Variants in MPP7 observed in about 807,000 individuals in gnomAD.
The protein encoded by MPP7 is MAGUK p55 subfamily member 7.
MPP7 carries 60 observed loss-of-function variants against 76.5 expected under a neutral mutation model. The ratio of observed to expected loss-of-function variants is 0.78; its 90% CI spans 0.64 to 0.97. MPP7 has a LOEUF of 0.97. Ranked by LOEUF, MPP7 falls within the 50% of genes least tolerant of loss-of-function variation. MPP7 has a pLI of 0.00. For synonymous variants in MPP7, 237 were observed against 244.5 expected (o/e 0.97, Z 0.29); for missense variants, 641 against 694.0 (o/e 0.92, Z 0.86).
chr10:28,069,743 A>G (rs775552417), intron 13 of MPP7, 29 bp downstream of exon 13: 2 of 1,552,388 alleles, frequency 1.3e-6, no homozygotes, highest in Admixed American at 1.7e-5. Flanking sequence ...AAGTGTAGTC[A>G]TAGGAACACT....
At chr10:28,205,523 T>C (rs1358952840) in intron 2 of MPP7, among the ~76,000 whole-genome samples, 1 of 152,172 alleles carries the variant, frequency 6.6e-6, no homozygotes, top group African/African-American at 2.4e-5. Flanking sequence ...CTATACTCTG[T>C]AGTCATTCAA....
chr10:28,312,557 C>G (rs191064399), intron 2 of MPP7, among the ~76,000 whole-genome samples: 1 of 152,108 alleles, frequency 6.6e-6, no homozygotes, highest in African/African-American at 2.4e-5. Context: ...ACCAAAAAAA[C>G]CAGTCTCAAC....
chr10:28,233,281 G>C (rs899242578), intron 2 of MPP7, among the ~76,000 whole-genome samples: 1 of 152,174 alleles, frequency 6.6e-6, no homozygotes, highest in East Asian at 1.9e-4. Flanking sequence ...ACATCAATGA[G>C]AACTCATATT....
intron 1 of MPP7, among the ~76,000 whole-genome samples, chr10:28,295,644 T>C (rs963180036): frequency 6.6e-6 from 1 of 152,128 alleles, no homozygotes. Context: ...CAAGAGTGTG[T>C]TTTTATCAGG....
chr10:28,054,245 C>T lies in MPP7; in HGVS notation c.1552-1G>A. 6 of 1,545,174 alleles carry T rather than the reference C, an allele frequency of 3.9e-6. No individual in the cohort carries two copies. Among genetic ancestry groups the T allele is most frequent in the Non-Finnish European group, 5.3e-6 (6 of 1,134,988 alleles). On this transcript the variant is annotated splice_acceptor_variant, in intron 16 of 16. Coordinates refer to ENST00000683449, the MANE Select transcript of MPP7 (RefSeq NM_001318170.2). LOFTEE classifies it high-confidence loss of function. The stretch of plus-strand genomic sequence containing the variant: ...TAATCATTTCTTGAAAATCTTCTTC[C>T]TACAAAAGGAAGTATTAAAAAAATA...
At chr10:28,071,884 C>A (rs1255371742) in intron 12 of MPP7, among the ~76,000 whole-genome samples, 1 of 152,010 alleles carries the variant, frequency 6.6e-6, no homozygotes, top group African/African-American at 2.4e-5. Context: ...ATCAGACTTC[C>A]TTGAATATGA....
intron 11 of MPP7, among the ~76,000 whole-genome samples, chr10:28,110,622 T>C (rs915969634): frequency 4.6e-5 from 7 of 152,176 alleles, no homozygotes; most frequent in Admixed American, 3.3e-4. Flanking sequence ...ATAAAAACAT[T>C]TGTAAAGTAA....
At chr10:28,147,445 G>C in intron 5 of MPP7, 38 bp downstream of exon 5, 1 of 1,536,918 alleles carries the variant, frequency 6.5e-7, no homozygotes, top group Non-Finnish European at 9.0e-7. Flanking sequence ...AAGTGGCCCT[G>C]TTTGAAGGTA....
At chr10:28,304,865 C>T (rs1421156587), upstream of MPP7, among the ~76,000 whole-genome samples, 1 of 151,994 alleles carries the variant, frequency 6.6e-6, no homozygotes, top group Non-Finnish European at 1.5e-5. Context: ...TATTAATCAT[C>T]AAATACTAGA....
At chr10:28,295,442 A>AT (rs1282103482) in intron 1 of MPP7, among the ~76,000 whole-genome samples, 3 of 152,190 alleles carry the variant, frequency 2.0e-5, no homozygotes, top group Non-Finnish European at 2.9e-5. Context: ...GAAAAAAACA[A>AT]TATTTTGAAT....
intron 1 of MPP7, among the ~76,000 whole-genome samples, chr10:28,271,449 AT>A (rs1490192191): frequency 6.6e-6 from 1 of 152,216 alleles, no homozygotes; most frequent in Non-Finnish European, 1.5e-5. Flanking sequence ...TCTCTTGCTA[AT>A]CTGGCTTGAT....
At position 28,051,535 on chromosome 10, in the gene MPP7, C is replaced by A. The variant is rs745716854; in HGVS notation, c.*2530G>T. 1 of 152,102 alleles carries A rather than the reference C, an allele frequency of 6.6e-6. No individual in the cohort carries two copies. Among genetic ancestry groups the A allele is most frequent in the Admixed American group, 6.6e-5 (1 of 15,250 alleles). 9.4% of individuals were successfully genotyped at this position (152,102 alleles called of 1,614,324 possible). On this transcript the variant is annotated 3_prime_UTR_variant, in exon 17 of 17. Transcript: ENST00000683449. ...AAATATATGAATTTTAAAAAGTGAA[C>A]GTTCCTCTTCTCTTACATAGTGGCT...
intron 2 of MPP7, among the ~76,000 whole-genome samples, chr10:28,215,410 A>G (rs934836536): frequency 5.3e-5 from 8 of 152,198 alleles, no homozygotes; most frequent in African/African-American, 1.9e-4. Context: ...GATAATCATG[A>G]AAATAAATGC....
intron 2 of MPP7, among the ~76,000 whole-genome samples, chr10:28,207,593 G>A (rs1269108630): frequency 2.0e-5 from 3 of 152,008 alleles, no homozygotes; most frequent in African/African-American, 7.3e-5. Context: ...GCTGAGGCAG[G>A]AGAATCACTT....
Position 28,098,495 on chromosome 10 carries a change from A to T in MPP7, c.953-8654T>A, listed in dbSNP as rs114191805. On this transcript the variant is annotated intron_variant, in intron 11 of 16. Coordinates refer to ENST00000683449, the MANE Select transcript of MPP7 (RefSeq NM_001318170.2). Reference sequence around the variant, plus strand: ...TTGTTCTATTTTTCAAACTTACTGTAATATTATATATGTTTCAAAATTACT... The same window carrying T: ...TTGTTCTATTTTTCAAACTTACTGTTATATTATATATGTTTCAAAATTACT... 9.7e-3 allele frequency among the ~76,000 whole-genome samples: 1,467 copies of T among 151,872 alleles called. 31 individuals carry two copies. The highest frequency in any genetic ancestry group is 0.033 in the African/African-American group (1,375 of 41,500).
At chr10:28,112,369 G>T (rs927039783) in intron 11 of MPP7, among the ~76,000 whole-genome samples, 4 of 151,884 alleles carry the variant, frequency 2.6e-5, no homozygotes, top group African/African-American at 9.7e-5. Flanking sequence ...AAGACTTAGC[G>T]CCATGGAAAT....
chr10:28,192,706 G>C (rs1366064481), intron 3 of MPP7, among the ~76,000 whole-genome samples: 1 of 152,096 alleles, frequency 6.6e-6, no homozygotes, highest in African/African-American at 2.4e-5. Context: ...TTCACAAATG[G>C]AGCCATAGAA....
chr10:28,187,542 C>T (rs1176393557), intron 3 of MPP7, among the ~76,000 whole-genome samples: 1 of 152,172 alleles, frequency 6.6e-6, no homozygotes, highest in African/African-American at 2.4e-5. Flanking sequence ...TTTCCTCCCA[C>T]CCAAAGCAAA....
In MPP7 at chr10:28,053,695, T is replaced by A. The variant is rs1314423201; in HGVS notation, c.*370A>T. ...GAATTGATACCTTCAACAGCTAACA[T>A]TCAAACTCGACAGCAGCAGCCACAC... is the stretch of plus-strand genomic sequence containing the variant. On this transcript the variant is annotated 3_prime_UTR_variant, in exon 17 of 17. Coordinates refer to ENST00000683449, the MANE Select transcript of MPP7 (RefSeq NM_001318170.2). The A allele has an allele frequency of 1.0e-5, 2 of 193,494 alleles. No homozygotes were observed. Among genetic ancestry groups the A allele is most frequent in the Non-Finnish European group, 2.1e-5 (2 of 96,724 alleles). The allele number at this position is 193,494 out of a possible 1,614,324, so 12.0% of individuals were successfully genotyped here.
Sources: gnomAD v4.1 joint callset for allele counts (sites outside exome capture counted in the v4.1 genomes callset) on GRCh38, gnomAD v4.1.1 for gene constraint, MANE v1.5 for transcripts, NCBI Gene and HGNC (gene_info 2026-07-23, HGNC 2026-07-21) for gene names.